The following STPG2 variants were observed in gnomAD, a reference collection of about 807,000 sequenced individuals.
The protein encoded by STPG2 is sperm tail PG-rich repeat containing 2, also known as sperm-tail PG-rich repeat-containing protein 2.
Under a neutral mutation model 54.2 loss-of-function variants are expected in STPG2, and 56 were observed. The observed-to-expected ratio is 1.03, with a 90% confidence interval of 0.83 to 1.29. The LOEUF (loss-of-function observed/expected upper bound fraction) is 1.29, where lower values mean the gene tolerates loss of function less well. STPG2 is among the 50% of genes most tolerant of loss of function. The pLI is 0.00. For synonymous variants in STPG2, 200 were observed against 181.8 expected, an observed-to-expected ratio of 1.10 and a Z score of -0.81; for missense variants, 596 against 544.9, an observed-to-expected ratio of 1.09 and a Z score of -0.93.
intron 8 of STPG2, among the ~76,000 whole-genome samples, chr4:97,931,906 T>A (rs1732562054): frequency 6.6e-6 from 1 of 152,174 alleles, no homozygotes; most frequent in Non-Finnish European, 1.5e-5. Flanking sequence ...TATTTATTAC[T>A]GATTCAATTT....
chr4:97,579,710 G>A (rs1049188584), intron 10 of STPG2, among the ~76,000 whole-genome samples: 4 of 151,892 alleles, frequency 2.6e-5, no homozygotes, highest in African/African-American at 9.7e-5. Flanking sequence ...CCACACTAAG[G>A]TGATCTACAT....
intron 4 of STPG2, among the ~76,000 whole-genome samples, chr4:97,549,667 C>A (rs571980344): frequency 6.6e-6 from 1 of 152,114 alleles, no homozygotes; most frequent in Admixed American, 6.5e-5. Flanking sequence ...ACAATAAGTT[C>A]CTTATAAAGA....
chr4:98,130,593 T>C (rs560194982), intron 2 of STPG2, among the ~76,000 whole-genome samples: 2 of 152,100 alleles, frequency 1.3e-5, no homozygotes, highest in Admixed American at 6.6e-5. Context: ...TTCCCTCCTT[T>C]CCATATATTT....
intron 4 of STPG2, among the ~76,000 whole-genome samples, chr4:97,454,383 G>A (rs2148801251): frequency 6.7e-6 from 1 of 150,032 alleles, no homozygotes; most frequent in South Asian, 2.1e-4. Context: ...CGCGGTGGCG[G>A]GCGCCTGTAG....
chr4:97,983,161 T>G (rs934940927), intron 5 of STPG2, among the ~76,000 whole-genome samples: 1 of 152,196 alleles, frequency 6.6e-6, no homozygotes, highest in Non-Finnish European at 1.5e-5. Flanking sequence ...TCCTAGTCTA[T>G]TGAATGTAAT....
At chr4:97,973,903 C>T (rs1282803314) in intron 6 of STPG2, among the ~76,000 whole-genome samples, 4 of 152,188 alleles carry the variant, frequency 2.6e-5, no homozygotes, top group Admixed American at 1.3e-4. Flanking sequence ...AGCCACCACA[C>T]AGAGTCCCTT....
At chr4:98,118,385 C>CTTCTTTG (rs1276338957) in intron 3 of STPG2, among the ~76,000 whole-genome samples, 4 of 152,048 alleles carry the variant, frequency 2.6e-5, no homozygotes, top group Non-Finnish European at 4.4e-5. Flanking sequence ...AATTCTAAAA[C>CTTCTTTG]TACTTTCAAT....
chr4:97,581,633 T>C (rs1356239551), intron 10 of STPG2, among the ~76,000 whole-genome samples: 4 of 152,102 alleles, frequency 2.6e-5, no homozygotes, highest in Non-Finnish European at 5.9e-5. Context: ...AACTCATCAA[T>C]TAAATTTCAC....
chr4:97,464,292 T>A (rs1227865501), intron 4 of STPG2, among the ~76,000 whole-genome samples: 2 of 152,164 alleles, frequency 1.3e-5, no homozygotes, highest in Non-Finnish European at 1.5e-5. Flanking sequence ...TATATAGCAT[T>A]TACATCGCAT....
chr4:98,141,016 A>G (rs1055614002), intron 1 of STPG2, among the ~76,000 whole-genome samples: 1 of 152,092 alleles, frequency 6.6e-6, no homozygotes, highest in Non-Finnish European at 1.5e-5. Context: ...GAAGTACAGT[A>G]CATAAACATT....
intron 7 of STPG2, among the ~76,000 whole-genome samples, chr4:97,957,159 A>ATG (rs1333874706): frequency 4.5e-5 from 5 of 110,018 alleles, no homozygotes; most frequent in African/African-American, 1.3e-4. Flanking sequence ...TGAAATATAT[A>ATG]TGAAATATAT....
At chr4:98,121,190 G>C (rs1392059644) in intron 3 of STPG2, among the ~76,000 whole-genome samples, 1 of 152,094 alleles carries the variant, frequency 6.6e-6, no homozygotes, top group Non-Finnish European at 1.5e-5. Flanking sequence ...TGTCAGGTTT[G>C]TTGAAGATCA....
chr4:97,957,808 C>A (rs865819695), intron 7 of STPG2, among the ~76,000 whole-genome samples: 52 of 152,250 alleles, frequency 3.4e-4, no homozygotes, highest in Middle Eastern at 3.4e-3. Flanking sequence ...ACTTTTGTAT[C>A]CAGTGAAACT....
intron 9 of STPG2, among the ~76,000 whole-genome samples, chr4:97,836,236 T>C (rs1272710758): frequency 1.3e-5 from 2 of 151,950 alleles, no homozygotes; most frequent in Admixed American, 6.6e-5. Flanking sequence ...ATTGTTGTCT[T>C]ATTTTAAGAA....
downstream of STPG2, among the ~76,000 whole-genome samples, chr4:97,557,455 A>G (rs1732107809): frequency 6.6e-6 from 1 of 152,216 alleles, no homozygotes; most frequent in African/African-American, 2.4e-5. Context: ...CATGTAGCAT[A>G]CAAAATAGTG....
chr4:97,535,107 T>A (rs1333449163), intron 4 of STPG2, among the ~76,000 whole-genome samples: 4 of 152,232 alleles, frequency 2.6e-5, no homozygotes, highest in Non-Finnish European at 5.9e-5. Flanking sequence ...GTAAAGGTTT[T>A]CTTATGAACA....
chr4:97,737,609 CA>C (rs1377345069), intron 9 of STPG2, among the ~76,000 whole-genome samples: 4 of 151,916 alleles, frequency 2.6e-5, no homozygotes, highest in Admixed American at 2.6e-4. Context: ...GAAAGGGTAT[CA>C]GTGATGGAAG....
chr4:97,478,865 A>G (rs992379223), intron 4 of STPG2, among the ~76,000 whole-genome samples: 3 of 142,882 alleles, frequency 2.1e-5, no homozygotes, highest in Non-Finnish European at 3.0e-5. Flanking sequence ...CTAGAAACCA[A>G]GCCAAATATG....
rs534890414 is a variant in STPG2 at position 97,690,608 on chromosome 4, T to G, written c.1320+22091A>C. On this transcript the variant is annotated intron_variant, in intron 10 of 10. Transcript: ENST00000295268. ...CCTAACATCTCTCTCCATAACATAT[T>G]TAGCAAACAACTCACTCGGGAGAAA... 6.6e-5 allele frequency among the ~76,000 whole-genome samples: 10 copies of G among 152,244 alleles called. No homozygotes were observed. In the South Asian group the frequency reaches 2.1e-3, roughly 32 times the overall value.
Sources: allele counts gnomAD v4.1 joint callset (sites outside exome capture counted in the v4.1 genomes callset), GRCh38; gene constraint gnomAD v4.1.1; transcripts MANE v1.5; gene names NCBI Gene and HGNC (gene_info 2026-07-23, HGNC 2026-07-21).